The following DIXDC1 variants were observed in gnomAD, a reference collection of about 807,000 sequenced individuals.
DIXDC1 encodes dixin.
Under a neutral mutation model 103.1 loss-of-function variants are expected in DIXDC1, and 64 were observed. The ratio of observed to expected loss-of-function variants is 0.62; its 90% CI spans 0.51 to 0.76. DIXDC1 has a LOEUF of 0.76. DIXDC1 is among the 30% of genes least tolerant of loss of function. The pLI is 0.00. For synonymous variants in DIXDC1, 266 were observed against 298.5 expected, an observed-to-expected ratio of 0.89 and a Z score of 1.12; for missense variants, 759 against 834.2, an observed-to-expected ratio of 0.91 and a Z score of 1.11.
chr11:111,934,799 A>G (rs1309439886), upstream of DIXDC1, among the ~76,000 whole-genome samples: 1 of 152,218 alleles, frequency 6.6e-6, no homozygotes, highest in African/African-American at 2.4e-5. Context: ...GCTTTTTCCA[A>G]ATGTGAGAGG....
rs1247094546 is a variant in DIXDC1 at position 112,019,820 on chromosome 11, A to G, written c.*784A>G. The G allele has an allele frequency of 6.6e-6, 1 of 152,326 alleles. No individual in the cohort carries two copies. Among genetic ancestry groups the G allele is most frequent in the East Asian group, 1.9e-4 (1 of 5,190 alleles). The allele number at this position is 152,326 out of a possible 1,614,324, so 9.4% of individuals were successfully genotyped here. On this transcript the variant is annotated 3_prime_UTR_variant, in exon 20 of 20. Coordinates refer to ENST00000440460, the MANE Select transcript of DIXDC1 (RefSeq NM_001037954.4). ...ACTGATGAACTTTTGTTTGAAAGGC[A>G]TAAGGAGTGAAAAGCTCCTTGAAAA...
At chr11:112,006,179 A>G (rs1237182159) in intron 17 of DIXDC1, among the ~76,000 whole-genome samples, 1 of 152,236 alleles carries the variant, frequency 6.6e-6, no homozygotes, top group Non-Finnish European at 1.5e-5. Context: ...AGCCTTGCTC[A>G]CAGCTAGTGC....
At chr11:111,965,048 T>C (rs1375275514) in intron 2 of DIXDC1, among the ~76,000 whole-genome samples, 1 of 152,136 alleles carries the variant, frequency 6.6e-6, no homozygotes, top group Non-Finnish European at 1.5e-5. Flanking sequence ...GGCTCAGGGA[T>C]TGGCTTACCA....
chr11:111,945,384 C>T (rs1966558510), intron 1 of DIXDC1, among the ~76,000 whole-genome samples: 2 of 152,132 alleles, frequency 1.3e-5, no homozygotes, highest in African/African-American at 2.4e-5. Context: ...TTTGGCAGAC[C>T]AATCAAGTGT....
chr11:111,945,326 A>G (rs1260331183), intron 1 of DIXDC1, among the ~76,000 whole-genome samples: 1 of 152,188 alleles, frequency 6.6e-6, no homozygotes. Flanking sequence ...CTATTCCTAA[A>G]TGCCAGTTCA....
intron 1 of DIXDC1, among the ~76,000 whole-genome samples, chr11:111,957,655 G>T (rs1555170685): frequency 6.6e-6 from 1 of 152,176 alleles, no homozygotes. Context: ...AACATAACTG[G>T]CCAGCACTCT....
Position 111,974,038 on chromosome 11 carries a change from A to C in DIXDC1, c.332A>C (p.Asn111Thr). 6.2e-7 allele frequency: 1 copy of C among 1,613,872 alleles called. No homozygotes were observed. The highest frequency in any genetic ancestry group is 8.5e-7 in the Non-Finnish European group (1 of 1,179,900). Reference protein sequence around the residue: ...QTSAKDIVDGNLKSIMRLVLA... With the variant: ...QTSAKDIVDGTLKSIMRLVLA... The stretch of plus-strand genomic sequence containing the variant: ...TATCCTTCAGATATTGTGGATGGAA[A>C]CCTGAAGTCTATCATGAGGCTGGTC... The change falls in exon 4 of 20, where the codon AAC (asparagine) becomes ACC (threonine). Residue 111 changes from asparagine (N) to threonine (T), a missense_variant. Transcript: ENST00000440460.
At chr11:111,955,536 A>G (rs1966895189) in intron 1 of DIXDC1, among the ~76,000 whole-genome samples, 1 of 151,936 alleles carries the variant, frequency 6.6e-6, no homozygotes, top group Non-Finnish European at 1.5e-5. Context: ...ATTGAAAATA[A>G]TTGAAATCAA....
rs117856005 is a variant in DIXDC1 at position 111,968,658 on chromosome 11, C to T, written c.316+20C>T. The T allele has an allele frequency of 8.2e-3, 13,159 of 1,599,592 alleles. 68 individuals are homozygous for T. Among genetic ancestry groups the T allele is most frequent in the Middle Eastern group, 0.025 (149 of 6,036 alleles). On this transcript the variant is annotated intron_variant, in intron 3 of 19. Coordinates refer to ENST00000440460, the MANE Select transcript of DIXDC1 (RefSeq NM_001037954.4). ...CTAAAGGTCAGTGCCTCATCACATC[C>T]TTGGTGCATGAGTATACTTTAACCA... is the stretch of plus-strand genomic sequence containing the variant.
chr11:111,985,714 G>T (rs1413592807), intron 8 of DIXDC1, among the ~76,000 whole-genome samples: 1 of 151,978 alleles, frequency 6.6e-6, no homozygotes, highest in Non-Finnish European at 1.5e-5. Context: ...TCTGCCTCCA[G>T]TTCTTCACTC....
chr11:111,940,705 A>G (rs1321319469), intron 1 of DIXDC1, among the ~76,000 whole-genome samples: 1 of 152,220 alleles, frequency 6.6e-6, no homozygotes, highest in Non-Finnish European at 1.5e-5. Flanking sequence ...ATTGAAAAAC[A>G]TTCAGTTCCT....
At chr11:111,949,760 A>G (rs1430063470) in intron 1 of DIXDC1, among the ~76,000 whole-genome samples, 3 of 152,184 alleles carry the variant, frequency 2.0e-5, no homozygotes, top group Non-Finnish European at 2.9e-5. Context: ...CTAAGATAGT[A>G]TGTGTCTTCT....
chr11:111,993,056 GCC>G, intron 12 of DIXDC1, 52 bp downstream of exon 12: 1 of 1,537,070 alleles, frequency 6.5e-7, no homozygotes, highest in Middle Eastern at 1.8e-4. Flanking sequence ...TTCATGAACA[GCC>G]CGTTATTGTT....
rs587669878 is a variant in DIXDC1 at position 112,016,612 on chromosome 11, C to T, written c.1757-79C>T. ...CTGTGACCTCAGGCAGCTTTGTTCT[C>T]CCGGGACACTTTGAATAACTGCAGA... On this transcript the variant is annotated intron_variant, in intron 17 of 19. Transcript: ENST00000440460. 10 of 1,266,798 alleles carry T rather than the reference C, an allele frequency of 7.9e-6. No homozygotes were observed. The African/African-American group carries it at 1.4e-4, about 17-fold the overall frequency. The allele number at this position is 1,266,798 out of a possible 1,614,324, so 78.5% of individuals were successfully genotyped here. A position where few individuals can be genotyped will look rare whatever the true frequency, so the allele number is the denominator to read the frequency against.
At chr11:111,961,064 A>G (rs1859560557) in intron 1 of DIXDC1, among the ~76,000 whole-genome samples, 1 of 152,248 alleles carries the variant, frequency 6.6e-6, no homozygotes, top group Admixed American at 6.5e-5. Flanking sequence ...GTGCATATGA[A>G]TCACCAGGAG....
chr11:111,960,487 G>T (rs993319932), intron 1 of DIXDC1, among the ~76,000 whole-genome samples: 5 of 151,190 alleles, frequency 3.3e-5, no homozygotes, highest in Non-Finnish European at 5.9e-5. Flanking sequence ...CCAGCTTCTC[G>T]GGAGGCTGAG....
At chr11:112,010,336 C>T (rs587668790) in intron 17 of DIXDC1, among the ~76,000 whole-genome samples, 279 of 152,320 alleles carry the variant, frequency 1.8e-3, no homozygotes, top group African/African-American at 6.4e-3. Context: ...ATTCCATGCT[C>T]ATGGATAGGA....
rs369751142 is a variant in DIXDC1, at chr11:111,986,850, C to T, written c.1009-21C>T. ...CTTCACAGCATAGGTGCTTAGCCAT[C>T]TCTGTTTGTCTTATATTCAGATTAT... On this transcript the variant is annotated intron_variant, in intron 8 of 19. Coordinates refer to ENST00000440460, the MANE Select transcript of DIXDC1 (RefSeq NM_001037954.4). The T allele has an allele frequency of 6.4e-6, 10 of 1,557,684 alleles. No individual in the cohort carries two copies. The African/African-American group carries it at 1.2e-4, about 19-fold the overall frequency.
In DIXDC1 at chr11:112,019,045, A is replaced by G; in HGVS notation, c.*9A>G. 6.2e-7 allele frequency: 1 copy of G among 1,612,166 alleles called. No homozygotes were observed. The highest frequency in any genetic ancestry group is 8.5e-7 in the Non-Finnish European group (1 of 1,178,514). On this transcript the variant is annotated 3_prime_UTR_variant, in exon 20 of 20. Coordinates refer to ENST00000440460, the MANE Select transcript of DIXDC1 (RefSeq NM_001037954.4). ...ACCATGGAGAGAATTAATGCCAAGT[A>G]TCAGATTGAGGGCTTATGGAACCTG... is the stretch of plus-strand genomic sequence containing the variant.
Sources: allele counts gnomAD v4.1 joint callset (sites outside exome capture counted in the v4.1 genomes callset), GRCh38; gene constraint gnomAD v4.1.1; transcripts MANE v1.5; gene names NCBI Gene and HGNC (gene_info 2026-07-23, HGNC 2026-07-21).